Variants in ST8SIA1 observed in about 807,000 individuals in gnomAD.
ST8SIA1 encodes ST8 alpha-N-acetyl-neuraminide alpha-2,8-sialyltransferase 1, also known as alpha-N-acetylneuraminide alpha-2,8-sialyltransferase.
ST8SIA1 carries 16 observed loss-of-function variants against 35.9 expected under a neutral mutation model. That is an observed-to-expected ratio of 0.45 (90% CI 0.30 to 0.68). The LOEUF (loss-of-function observed/expected upper bound fraction) is 0.68. ST8SIA1 is among the 30% of genes least tolerant of loss of function. The pLI is 0.09. For missense variants in ST8SIA1, 383 were observed against 453.6 expected (o/e 0.84, Z 1.41); for synonymous variants, 170 against 169.6 (o/e 1.00, Z -0.02).
intron 1 of ST8SIA1, among the ~76,000 whole-genome samples, chr12:22,321,003 G>GAAGAAAGAAAGAAAGAAAGAAAGA (rs1555162777): frequency 6.5e-5 from 5 of 76,642 alleles, no homozygotes; most frequent in African/African-American, 9.5e-5. Flanking sequence ...AAGAAAGAAA[G>GAAGAAAGAAAGAAAGAAAGAAAGA]AAGAAAGAAA....
At chr12:22,228,895 A>T (rs192861771) in intron 4 of ST8SIA1, among the ~76,000 whole-genome samples, 244 of 152,232 alleles carry the variant, frequency 1.6e-3, no homozygotes, top group African/African-American at 5.6e-3. Flanking sequence ...CTCATCTAAA[A>T]ATACAAAAAT....
chr12:22,195,803 C>G lies in ST8SIA1; in HGVS notation c.*5749G>C, dbSNP rs1159781205. ...AGTTTGGTTAAACCTTTTTTTATTA[C>G]AATTTTCTGTTCGTAATGCTGTGCA... On this transcript the variant is annotated 3_prime_UTR_variant, in exon 5 of 5. Coordinates refer to ENST00000396037, the MANE Select transcript of ST8SIA1 (RefSeq NM_003034.4). 6.6e-6 allele frequency: 1 copy of G among 152,068 alleles called. No homozygotes were observed. The highest frequency in any genetic ancestry group is 1.5e-5 in the Non-Finnish European group (1 of 68,012). 9.4% of individuals were successfully genotyped at this position (152,068 alleles called of 1,614,324 possible).
intron 3 of ST8SIA1, among the ~76,000 whole-genome samples, chr12:22,251,600 T>C (rs1462467070): frequency 6.6e-6 from 1 of 152,220 alleles, no homozygotes; most frequent in Non-Finnish European, 1.5e-5. Flanking sequence ...AACTCATAAA[T>C]TGATAATTAC....
At chr12:22,228,026 T>C (rs950255396) in intron 4 of ST8SIA1, among the ~76,000 whole-genome samples, 21 of 152,226 alleles carry the variant, frequency 1.4e-4, no homozygotes, top group African/African-American at 4.6e-4. Flanking sequence ...CCTTGAATGG[T>C]TTCCTAAAGT....
At position 22,201,474 on chromosome 12, in the gene ST8SIA1, C is replaced by T; in HGVS notation, c.*78G>A. ...GGGCCCATGCAAACTCATGAAACAA[C>T]TTGACCATTCCCTCTTGGAGTCACA... On this transcript the variant is annotated 3_prime_UTR_variant, in exon 5 of 5. Transcript: ENST00000396037. 6.6e-7 allele frequency: 1 copy of T among 1,507,732 alleles called. No homozygotes were observed. Among genetic ancestry groups the T allele is most frequent in the Non-Finnish European group, 8.9e-7 (1 of 1,129,646 alleles). 93.4% of individuals were successfully genotyped at this position (1,507,732 alleles called of 1,614,324 possible). A position where few individuals can be genotyped will look rare whatever the true frequency, so the allele number is the denominator to read the frequency against.
chr12:22,197,965 A>G lies in ST8SIA1; in HGVS notation c.*3587T>C, dbSNP rs565112824. The G allele has an allele frequency of 2.2e-4, 33 of 152,198 alleles. No individual in the cohort carries two copies. The highest frequency in any genetic ancestry group is 4.7e-4 in the Non-Finnish European group (32 of 68,036). 9.4% of individuals were successfully genotyped at this position (152,198 alleles called of 1,614,324 possible). On this transcript the variant is annotated 3_prime_UTR_variant, in exon 5 of 5. Transcript: ENST00000396037. ...AAACTTTTGGCAAAATCCTCTATAC[A>G]AAGCATATGTGTCTGTGAGTCATTG...
At chr12:22,209,931 C>T (rs1865159509) in intron 4 of ST8SIA1, among the ~76,000 whole-genome samples, 1 of 152,024 alleles carries the variant, frequency 6.6e-6, no homozygotes, top group South Asian at 2.1e-4. Flanking sequence ...ATTTTGTTTA[C>T]TATTAAATCC....
At chr12:22,333,759 C>T (rs1866799271) in intron 1 of ST8SIA1, 1 of 714,732 alleles carries the variant, frequency 1.4e-6, no homozygotes. Flanking sequence ...AGAAATGCGT[C>T]GAGTCTTTAC....
rs192635258 is a variant in ST8SIA1 at position 22,246,949 on chromosome 12, G to A, written c.584+2057C>T. On this transcript the variant is annotated intron_variant, in intron 4 of 4. Transcript: ENST00000396037. ...AATAATGATTCTTGCTTGTCCATGCGTGTTTTCTTCATAGTGAGCTTAAGT... is the reference window on the plus strand; with the variant it reads ...AATAATGATTCTTGCTTGTCCATGCATGTTTTCTTCATAGTGAGCTTAAGT... Among the ~76,000 whole-genome samples, 1,004 of 152,262 alleles carry A rather than the reference G, an allele frequency of 6.6e-3. 2 individuals carry two copies. The highest frequency in any genetic ancestry group is 9.6e-3 in the Non-Finnish European group (651 of 68,016).
chr12:22,243,649 A>G (rs1302324795), intron 4 of ST8SIA1, among the ~76,000 whole-genome samples: 1 of 152,246 alleles, frequency 6.6e-6, no homozygotes, highest in Non-Finnish European at 1.5e-5. Flanking sequence ...TTGATAATTG[A>G]TGGCTTAAAA....
chr12:22,238,148 A>T (rs142065685), intron 4 of ST8SIA1, among the ~76,000 whole-genome samples: 2,311 of 131,602 alleles, frequency 0.018, 36 homozygotes, highest in South Asian at 0.031. Context: ...TACTCTAATA[A>T]TGTGACTTGA....
intron 1 of ST8SIA1, chr12:22,325,232 A>T (rs1866659747): frequency 1.9e-6 from 1 of 540,008 alleles, no homozygotes. Context: ...TTATTTTATC[A>T]ATAATGGAAA....
intron 3 of ST8SIA1, chr12:22,250,806 T>C (rs377089450): frequency 6.6e-6 from 1 of 152,244 alleles, no homozygotes; most frequent in African/African-American, 2.4e-5. Flanking sequence ...TTTTATCTGC[T>C]CTTCGGTGAT....
chr12:22,275,523 C>T (rs1027554377), intron 2 of ST8SIA1, among the ~76,000 whole-genome samples: 1 of 151,942 alleles, frequency 6.6e-6, no homozygotes, highest in Non-Finnish European at 1.5e-5. Context: ...CACTGCACTC[C>T]AGCCTGGATG....
At chr12:22,235,762 C>T (rs1865470290) in intron 4 of ST8SIA1, among the ~76,000 whole-genome samples, 1 of 152,120 alleles carries the variant, frequency 6.6e-6, no homozygotes, top group Non-Finnish European at 1.5e-5. Flanking sequence ...GCTAAAGTGG[C>T]GTTTCCCAGG....
chr12:22,304,168 C>T (rs2193180), intron 1 of ST8SIA1, among the ~76,000 whole-genome samples: 61,213 of 151,800 alleles, frequency 0.4, 12,873 homozygotes, highest in Middle Eastern at 0.62. Flanking sequence ...AGCTGAACTA[C>T]GGTCATAAGA....
At chr12:22,219,068 C>T (rs1395063476) in intron 4 of ST8SIA1, among the ~76,000 whole-genome samples, 2 of 152,120 alleles carry the variant, frequency 1.3e-5, no homozygotes, top group East Asian at 1.9e-4. Flanking sequence ...TGGCTATGCC[C>T]TCTCTATACT....
chr12:22,196,822 G>A lies in ST8SIA1; in HGVS notation c.*4730C>T, dbSNP rs1300526697. On this transcript the variant is annotated 3_prime_UTR_variant, in exon 5 of 5. Transcript: ENST00000396037. ...TTAAGCAAAAACAAAACAGTTTAAG[G>A]CAGTGTAAAATTTTGAGGTCCTCAG... The A allele has an allele frequency of 6.6e-6, 1 of 152,124 alleles. No homozygotes were observed. Among genetic ancestry groups the A allele is most frequent in the Non-Finnish European group, 1.5e-5 (1 of 68,058 alleles). 9.4% of individuals were successfully genotyped at this position (152,124 alleles called of 1,614,324 possible).
chr12:22,301,433 T>G (rs1866317795), intron 1 of ST8SIA1, among the ~76,000 whole-genome samples: 2 of 152,200 alleles, frequency 1.3e-5, no homozygotes. Flanking sequence ...AGGAAACTTT[T>G]TTTTTGAGCT....
Sources: allele counts gnomAD v4.1 joint callset (sites outside exome capture counted in the v4.1 genomes callset), GRCh38; gene constraint gnomAD v4.1.1; transcripts MANE v1.5; gene names NCBI Gene and HGNC (gene_info 2026-07-23, HGNC 2026-07-21).